The following BCAT1 variants were observed in gnomAD, a reference collection of about 807,000 sequenced individuals.
BCAT1 encodes branched chain amino acid transaminase 1.
BCAT1 carries 48 observed loss-of-function variants against 52.4 expected under a neutral mutation model. That is an observed-to-expected ratio of 0.92 (90% CI 0.73 to 1.16). The LOEUF is 1.16. Ranked by LOEUF, BCAT1 falls within the 50% of genes most tolerant of loss-of-function variation. BCAT1 has a pLI of 0.00. For missense variants in BCAT1, 451 were observed against 457.1 expected (o/e 0.99, Z 0.12); for synonymous variants, 167 against 161.3 (o/e 1.04, Z -0.27).
chr12:24,814,665 AAACT>A lies in BCAT1; in HGVS notation c.*3339_*3342del, dbSNP rs1428499696. 1 of 152,118 alleles carries A rather than the reference AAACT, an allele frequency of 6.6e-6. No individual in the cohort carries two copies. The highest frequency in any genetic ancestry group is 2.4e-5 in the African/African-American group (1 of 41,444). The allele number at this position is 152,118 out of a possible 1,614,324, so 9.4% of individuals were successfully genotyped here. On this transcript the variant is annotated 3_prime_UTR_variant, in exon 11 of 11. Coordinates refer to ENST00000261192, the MANE Select transcript of BCAT1 (RefSeq NM_005504.7). The stretch of plus-strand genomic sequence containing the variant: ...CTTAGGTAAATTTTATGAAGCAACA[AAACT>A]AATATGGTGAAGAATTTTAACCCAA...
intron 7 of BCAT1, 57 bp downstream of exon 7, chr12:24,842,025 T>A: frequency 6.3e-7 from 1 of 1,582,554 alleles, no homozygotes; most frequent in Non-Finnish European, 8.6e-7. Flanking sequence ...GCTCTTGTCT[T>A]TCTGGTCCTG....
intron 1 of BCAT1, among the ~76,000 whole-genome samples, chr12:24,911,029 G>A (rs1943316414): frequency 6.6e-6 from 1 of 151,864 alleles, no homozygotes; most frequent in South Asian, 2.1e-4. Context: ...GTGTGAACCT[G>A]GGAGGTGGAG....
rs1460073336 is a variant in BCAT1, at chr12:24,811,056, T to C, written c.*6952A>G. On this transcript the variant is annotated 3_prime_UTR_variant, in exon 11 of 11. Transcript: ENST00000261192. The stretch of plus-strand genomic sequence containing the variant: ...AAGAGGTAATCTACTCCCCCCATTC[T>C]GTGCAAATCTCAAACGACAAAGCTA... 8 of 152,340 alleles carry C rather than the reference T, an allele frequency of 5.3e-5. No homozygotes were observed. The South Asian group carries it at 1.7e-3, about 32-fold the overall frequency. 9.4% of individuals were successfully genotyped at this position (152,340 alleles called of 1,614,324 possible).
intron 10 of BCAT1, among the ~76,000 whole-genome samples, chr12:24,824,268 TTCCCTCCCTCCCTCCCTCCC>T (rs1001701460): frequency 6.9e-6 from 1 of 144,522 alleles, no homozygotes; most frequent in African/African-American, 2.6e-5. Flanking sequence ...CCTTCCTTCA[TTCCCTCCCTCCCTCCCTCCC>T]TCCCTCCCTC....
At chr12:24,911,375 C>T (rs1451687941) in intron 1 of BCAT1, among the ~76,000 whole-genome samples, 1 of 152,156 alleles carries the variant, frequency 6.6e-6, no homozygotes, top group Non-Finnish European at 1.5e-5. Context: ...AATGAATGCG[C>T]AGGGCTACAC....
intron 1 of BCAT1, among the ~76,000 whole-genome samples, chr12:24,936,032 G>GAACAT: frequency 6.6e-6 from 1 of 152,254 alleles, no homozygotes; most frequent in Non-Finnish European, 1.5e-5. Flanking sequence ...TCTACTAACA[G>GAACAT]TCTTTCTAAG....
At chr12:24,883,906 G>A (rs1942580806) in intron 3 of BCAT1, among the ~76,000 whole-genome samples, 1 of 152,210 alleles carries the variant, frequency 6.6e-6, no homozygotes, top group South Asian at 2.1e-4. Context: ...ATGGAGCTCA[G>A]GTGGTAATGC....
At position 24,901,704 on chromosome 12, in the gene BCAT1, C is replaced by T. The variant is rs1943108102; in HGVS notation, c.78+110G>A. The T allele has an allele frequency of 3.5e-6, 4 of 1,151,116 alleles. No individual in the cohort carries two copies. The South Asian group carries it at 5.9e-5, about 17-fold the overall frequency. 71.3% of individuals were successfully genotyped at this position (1,151,116 alleles called of 1,614,324 possible). Reference sequence around the variant, plus strand: ...GAATTTTAAAAGTCTGGCAACACAACCTAGGAACTGGGTAACCCACACAGT... The same window carrying T: ...GAATTTTAAAAGTCTGGCAACACAATCTAGGAACTGGGTAACCCACACAGT... On this transcript the variant is annotated intron_variant, in intron 2 of 10. Coordinates refer to ENST00000261192, the MANE Select transcript of BCAT1 (RefSeq NM_005504.7).
intron 1 of BCAT1, chr12:24,903,354 G>A (rs1009080002): frequency 1.8e-5 from 4 of 222,272 alleles, no homozygotes; most frequent in Non-Finnish European, 3.5e-5. Flanking sequence ...GAATGGCCGG[G>A]AAGCGCCCCT....
intron 2 of BCAT1, among the ~76,000 whole-genome samples, chr12:24,900,298 T>C (rs559925067): frequency 2.6e-5 from 4 of 152,160 alleles, no homozygotes; most frequent in African/African-American, 9.7e-5. Context: ...TAAAAAAGAT[T>C]ATTTATGGCC....
intron 1 of BCAT1, among the ~76,000 whole-genome samples, chr12:24,922,288 C>T (rs1324555167): frequency 6.6e-6 from 1 of 152,152 alleles, no homozygotes; most frequent in African/African-American, 2.4e-5. Flanking sequence ...CCTCAGTCCC[C>T]CAAGTAGCTG....
chr12:24,883,341 AAAAAGAT>A (rs1216905244), intron 3 of BCAT1, among the ~76,000 whole-genome samples: 1 of 152,218 alleles, frequency 6.6e-6, no homozygotes, highest in Non-Finnish European at 1.5e-5. Flanking sequence ...GGCTACTATC[AAAAAGAT>A]AAAAGATAAG....
At chr12:24,926,135 AG>A (rs1943578732) in intron 1 of BCAT1, among the ~76,000 whole-genome samples, 1 of 147,630 alleles carries the variant, frequency 6.8e-6, no homozygotes, top group Non-Finnish European at 1.5e-5. Context: ...CATCCCGTCT[AG>A]GAAGTGAGGA....
intron 10 of BCAT1, among the ~76,000 whole-genome samples, chr12:24,826,004 G>A (rs1449508793): frequency 1.3e-5 from 2 of 152,132 alleles, no homozygotes; most frequent in Non-Finnish European, 2.9e-5. Flanking sequence ...TTGAGTTCAG[G>A]AGTTCGAGAC....
intron 3 of BCAT1, among the ~76,000 whole-genome samples, chr12:24,886,818 A>C (rs1430478067): frequency 1.4e-5 from 2 of 144,298 alleles, no homozygotes; most frequent in African/African-American, 2.6e-5. Context: ...GCAACATAGT[A>C]AGACCCTGTC....
At chr12:24,887,080 A>AAAAAAAAAAATATATATATATATAT (rs1245203518) in intron 3 of BCAT1, among the ~76,000 whole-genome samples, 1 of 40,748 alleles carries the variant, frequency 2.5e-5, no homozygotes, top group African/African-American at 7.7e-5. Context: ...AAAAAAAAAA[A>AAAAAAAAAAATATATATATATATAT]ATATATATAT....
intron 1 of BCAT1, among the ~76,000 whole-genome samples, chr12:24,923,447 C>T (rs1425494183): frequency 6.6e-6 from 1 of 152,200 alleles, no homozygotes; most frequent in Non-Finnish European, 1.5e-5. Context: ...CTCTCTGTCA[C>T]CCAGGCTCCC....
chr12:24,869,506 G>C (rs941186876), intron 5 of BCAT1, among the ~76,000 whole-genome samples: 9 of 152,102 alleles, frequency 5.9e-5, no homozygotes, highest in Admixed American at 3.3e-4. Flanking sequence ...TCATGGCCTT[G>C]GGACAAGGAC....
At chr12:24,918,632 A>G (rs566133786) in intron 1 of BCAT1, among the ~76,000 whole-genome samples, 1 of 152,324 alleles carries the variant, frequency 6.6e-6, no homozygotes, top group South Asian at 2.1e-4. Context: ...ACTTAATTTT[A>G]GAATATGAAA....
Sources: gnomAD v4.1 joint callset for allele counts (sites outside exome capture counted in the v4.1 genomes callset) on GRCh38, gnomAD v4.1.1 for gene constraint, MANE v1.5 for transcripts, NCBI Gene and HGNC (gene_info 2026-07-23, HGNC 2026-07-21) for gene names.